The following NT5DC3 variants were observed in gnomAD, a reference collection of about 807,000 sequenced individuals.
NT5DC3 encodes the protein 5'-nucleotidase domain-containing protein 3.
NT5DC3 carries 42 observed loss-of-function variants against 67.8 expected under a neutral mutation model. The observed-to-expected ratio is 0.62, with a 90% CI of 0.48 to 0.80. The LOEUF (loss-of-function observed/expected upper bound fraction) is 0.80, where lower values mean the gene tolerates loss of function less well. Ranked by LOEUF, NT5DC3 falls within the 30% of genes least tolerant of loss-of-function variation. NT5DC3 has a pLI of 0.00. For missense variants in NT5DC3, 570 were observed against 696.4 expected, an observed-to-expected ratio of 0.82 and a Z score of 2.04; for synonymous variants, 237 against 255.6, an observed-to-expected ratio of 0.93 and a Z score of 0.69.
intron 9 of NT5DC3, among the ~76,000 whole-genome samples, chr12:103,792,702 A>T (rs897759194): frequency 5.9e-5 from 9 of 152,296 alleles, no homozygotes; most frequent in African/African-American, 2.2e-4. Flanking sequence ...CGTAATAGAG[A>T]TTTACTGCAC....
At chr12:103,756,432 G>A in the NT5DC3 span, among the ~76,000 whole-genome samples, 1 of 152,070 alleles carries the variant, frequency 6.6e-6, no homozygotes, top group Non-Finnish European at 1.5e-5. Flanking sequence ...GACCACCATT[G>A]TCTCCCCAAA....
the NT5DC3 span, among the ~76,000 whole-genome samples, chr12:103,765,046 C>G: frequency 7.6e-6 from 1 of 131,128 alleles, no homozygotes; most frequent in South Asian, 2.5e-4. Flanking sequence ...GAGATTGCAC[C>G]ACTGCACTCC....
At chr12:103,820,061 T>C (rs970882258) in intron 1 of NT5DC3, among the ~76,000 whole-genome samples, 1 of 152,208 alleles carries the variant, frequency 6.6e-6, no homozygotes, top group South Asian at 2.1e-4. Flanking sequence ...TCAAGGTTCA[T>C]CCATGGTGTA....
intron 1 of NT5DC3, among the ~76,000 whole-genome samples, chr12:103,837,237 C>T (rs1888189425): frequency 6.6e-6 from 1 of 152,200 alleles, no homozygotes; most frequent in African/African-American, 2.4e-5. Context: ...AGCTAGGACA[C>T]AGCGCACACA....
rs537307114 is a variant in NT5DC3, at chr12:103,773,633, A to G, written c.*4196T>C. The G allele has an allele frequency of 6.6e-6, 1 of 152,352 alleles. No individual in the cohort carries two copies. Among genetic ancestry groups the G allele is most frequent in the Admixed American group, 6.5e-5 (1 of 15,310 alleles). 9.4% of individuals were successfully genotyped at this position (152,352 alleles called of 1,614,324 possible). On this transcript the variant is annotated 3_prime_UTR_variant, in exon 14 of 14. Coordinates refer to ENST00000392876, the MANE Select transcript of NT5DC3 (RefSeq NM_001031701.3). ...CTCTATTAGTTGAACAGAACAATCA[A>G]GGAACCCTGTGTCTGGCCAAATTTC...
the NT5DC3 span, chr12:103,763,585 G>A: frequency 2.5e-6 from 4 of 1,613,950 alleles, no homozygotes; most frequent in Non-Finnish European, 3.4e-6. Flanking sequence ...AGCTCCCCCA[G>A]AACCTTCCTA....
the NT5DC3 span, among the ~76,000 whole-genome samples, chr12:103,747,598 G>A: frequency 4.6e-5 from 7 of 152,128 alleles, no homozygotes; most frequent in Non-Finnish European, 8.8e-5. Flanking sequence ...CATCCCATTG[G>A]CTGGAATCTC....
In NT5DC3 at chr12:103,814,130, C is replaced by T. The variant is rs1018295962; in HGVS notation, c.393+807G>A. Among the ~76,000 whole-genome samples, 3 of 152,228 alleles carry T rather than the reference C, an allele frequency of 2.0e-5. No homozygotes were observed. The East Asian group carries it at 5.8e-4, about 29-fold the overall frequency. ...CACTGGGCTGTTGGTTCTCCACGGG[C>T]AATGCCTGTCTCCTACTCATCTTTA... On this transcript the variant is annotated intron_variant, in intron 2 of 13. Coordinates refer to ENST00000392876, the MANE Select transcript of NT5DC3 (RefSeq NM_001031701.3).
At chr12:103,823,326 C>A (rs993062583) in intron 1 of NT5DC3, among the ~76,000 whole-genome samples, 1 of 152,008 alleles carries the variant, frequency 6.6e-6, no homozygotes, top group African/African-American at 2.4e-5. Context: ...AAAAGTTAAT[C>A]TAGTGGATAA....
intron 2 of NT5DC3, among the ~76,000 whole-genome samples, chr12:103,808,300 C>G (rs2139397925): frequency 6.6e-6 from 1 of 152,336 alleles, no homozygotes; most frequent in South Asian, 2.1e-4. Flanking sequence ...CCTGCTCTCC[C>G]CACTGCCCCT....
At chr12:103,835,775 C>T (rs1167256818) in intron 1 of NT5DC3, among the ~76,000 whole-genome samples, 1 of 152,184 alleles carries the variant, frequency 6.6e-6, no homozygotes, top group Non-Finnish European at 1.5e-5. Context: ...AAATCCTCCT[C>T]GGACTGTCAC....
intron 1 of NT5DC3, among the ~76,000 whole-genome samples, chr12:103,828,076 C>G (rs546118901): frequency 6.6e-6 from 1 of 152,318 alleles, no homozygotes; most frequent in East Asian, 1.9e-4. Flanking sequence ...GGGATACTGA[C>G]AAACTAGAGT....
intron 1 of NT5DC3, among the ~76,000 whole-genome samples, chr12:103,837,760 G>A (rs748528311): frequency 3.3e-5 from 5 of 152,182 alleles, no homozygotes; most frequent in Non-Finnish European, 5.9e-5. Flanking sequence ...ATCACTATCA[G>A]CATTTTTGTC....
Position 103,793,261 on chromosome 12 carries a change from T to TA in NT5DC3, c.921_922insT (p.Lys308Ter), listed in dbSNP as rs1886147306. 6.2e-7 allele frequency: 1 copy of TA among 1,608,626 alleles called. No homozygotes were observed. Among genetic ancestry groups the TA allele is most frequent in the Admixed American group, 1.7e-5 (1 of 58,986 alleles). On this transcript the variant is annotated frameshift_variant, in exon 9 of 14. Transcript: ENST00000392876. LOFTEE classifies it high-confidence loss of function. The stretch of plus-strand genomic sequence containing the variant: ...TTCCCAACGATATAACTCATCCCTT[T>TA]GTCCCTAGGGCAACAAGTCAGCCAG...
At chr12:103,815,179 T>A in intron 1 of NT5DC3, 58 bp from the exon 2 acceptor site, 1 of 1,135,548 alleles carries the variant, frequency 8.8e-7, no homozygotes, top group Non-Finnish European at 1.2e-6. Flanking sequence ...TTAGTATGAT[T>A]CCTAAAGAAA....
In NT5DC3 at chr12:103,792,560, C is replaced by T. The variant is rs1284880196; in HGVS notation, c.1019+604G>A. Among the ~76,000 whole-genome samples the T allele has an allele frequency of 3.3e-5, 5 of 152,190 alleles. No individual in the cohort carries two copies. The South Asian group carries it at 1.0e-3, about 31-fold the overall frequency. On this transcript the variant is annotated intron_variant, in intron 9 of 13. Transcript: ENST00000392876. ...GCTCTTGGTGAACAGGCCTGTCCCA[C>T]AAGTTAAAAGATATTTTAGCGTTCC...
the NT5DC3 span, chr12:103,763,437 G>A: frequency 9.0e-6 from 14 of 1,550,432 alleles, no homozygotes; most frequent in Non-Finnish European, 8.9e-7. Flanking sequence ...CAACTTGGCT[G>A]AGACGCTCCT....
chr12:103,792,021 C>T (rs532292506), intron 9 of NT5DC3, among the ~76,000 whole-genome samples: 1 of 152,306 alleles, frequency 6.6e-6, no homozygotes, highest in South Asian at 2.1e-4. Flanking sequence ...AAGTCGGTTC[C>T]TCTAATAAGC....
chr12:103,811,381 G>A (rs1174384425), intron 2 of NT5DC3, among the ~76,000 whole-genome samples: 1 of 152,164 alleles, frequency 6.6e-6, no homozygotes, highest in East Asian at 1.9e-4. Context: ...TCAAGGAGCA[G>A]GAGGGGAGGA....
Sources: gnomAD v4.1 joint callset for allele counts (sites outside exome capture counted in the v4.1 genomes callset) on GRCh38, gnomAD v4.1.1 for gene constraint, MANE v1.5 for transcripts, NCBI Gene and HGNC (gene_info 2026-07-23, HGNC 2026-07-21) for gene names.